The following GPRC5A variants were observed in gnomAD, a reference collection of about 807,000 sequenced individuals.
The protein encoded by GPRC5A is G protein-coupled receptor class C group 5 member A.
A neutral mutation model predicts 22.5 loss-of-function variants in GPRC5A; 19 were observed. That is an observed-to-expected ratio of 0.85 (90% CI 0.59 to 1.24). The LOEUF (loss-of-function observed/expected upper bound fraction) is 1.24. Ranked by LOEUF, GPRC5A falls within the 50% of genes most tolerant of loss-of-function variation. GPRC5A has a pLI of 0.00. For missense variants in GPRC5A, 471 were observed against 451.1 expected (o/e 1.04, Z -0.40); for synonymous variants, 192 against 184.5 (o/e 1.04, Z -0.33).
intron 1 of GPRC5A, among the ~76,000 whole-genome samples, chr12:12,903,534 G>C (rs939464596): frequency 1.3e-5 from 2 of 152,164 alleles, no homozygotes; most frequent in Admixed American, 6.5e-5. Context: ...CGATCAGCCC[G>C]CTTCGGCCTC....
chr12:12,892,696 G>A (rs1170257963), intron 1 of GPRC5A, among the ~76,000 whole-genome samples: 1 of 152,174 alleles, frequency 6.6e-6, no homozygotes, highest in Non-Finnish European at 1.5e-5. Context: ...CATGGGAAAG[G>A]CTAGCTAACA....
At chr12:12,905,809 C>CA (rs1349627739) in intron 1 of GPRC5A, among the ~76,000 whole-genome samples, 2 of 152,282 alleles carry the variant, frequency 1.3e-5, no homozygotes, top group Middle Eastern at 3.4e-3. Context: ...TTTCTCCTGA[C>CA]AAAGGACAGA....
chr12:12,895,029 C>T (rs2136454740), intron 1 of GPRC5A, among the ~76,000 whole-genome samples: 1 of 151,954 alleles, frequency 6.6e-6, no homozygotes, highest in African/African-American at 2.4e-5. Context: ...CTGCCCGCCT[C>T]AGCCTCCCAA....
chr12:12,906,926 G>A (rs902228734), intron 1 of GPRC5A, among the ~76,000 whole-genome samples: 6 of 152,022 alleles, frequency 3.9e-5, no homozygotes, highest in East Asian at 1.9e-4. Flanking sequence ...GCATGTTGGC[G>A]CGTGCCTGTA....
intron 1 of GPRC5A, among the ~76,000 whole-genome samples, chr12:12,906,304 T>C (rs1292916905): frequency 6.6e-6 from 1 of 152,218 alleles, no homozygotes; most frequent in Non-Finnish European, 1.5e-5. Flanking sequence ...GCGGGGTGAC[T>C]CAACACCTAT....
chr12:12,909,964 A>T (rs539379392), intron 2 of GPRC5A: 1 of 148,506 alleles, frequency 6.7e-6, no homozygotes. Context: ...AAAAAAAAAG[A>T]ATCAAGTGAT....
Position 12,912,964 on chromosome 12 carries a change from GGCGT to G in GPRC5A, c.*427_*430del, listed in dbSNP as rs2136463707. 6.1e-6 allele frequency: 1 copy of G among 163,234 alleles called. No homozygotes were observed. The highest frequency in any genetic ancestry group is 1.8e-4 in the East Asian group (1 of 5,556). 10.1% of individuals were successfully genotyped at this position (163,234 alleles called of 1,614,324 possible). On this transcript the variant is annotated 3_prime_UTR_variant, in exon 4 of 4. Transcript: ENST00000014914. ...CATCTCCCAAAGTGCTGGGATGACA[GGCGT>G]GAGCCACAGCTCCCAGCCTAGGCCC...
chr12:12,911,187 A>G (rs1372012643), intron 2 of GPRC5A, among the ~76,000 whole-genome samples: 1 of 152,012 alleles, frequency 6.6e-6, no homozygotes, highest in African/African-American at 2.4e-5. Flanking sequence ...TCTTAAATAA[A>G]GGCGTTTAAG....
In GPRC5A at chr12:12,912,378, C is replaced by G; in HGVS notation, c.982-69C>G. On this transcript the variant is annotated intron_variant, in intron 3 of 3. Coordinates refer to ENST00000014914, the MANE Select transcript of GPRC5A (RefSeq NM_003979.4). Reference sequence around the variant, plus strand: ...AAAGGGAAGGAAATGAGACTTCTGCCCAGACTGGAGACCTGTTGAAATGGC... The same window carrying G: ...AAAGGGAAGGAAATGAGACTTCTGCGCAGACTGGAGACCTGTTGAAATGGC... 3.8e-6 allele frequency: 4 copies of G among 1,056,926 alleles called. No individual in the cohort carries two copies. The Admixed American group carries it at 6.8e-5, about 18-fold the overall frequency. 65.5% of individuals were successfully genotyped at this position (1,056,926 alleles called of 1,614,324 possible). A position where few individuals can be genotyped will look rare whatever the true frequency, so the allele number is the denominator to read the frequency against.
At chr12:12,908,205 C>T (rs774813493) in intron 1 of GPRC5A, 38 bp from the exon 2 acceptor site, 4 of 1,321,390 alleles carry the variant, frequency 3.0e-6, no homozygotes, top group Admixed American at 2.2e-5. Flanking sequence ...TTAGGAGATT[C>T]AATACCTTCT....
rs536169587 is a variant in GPRC5A at position 12,915,122 on chromosome 12, G to A, written c.*2583G>A. On this transcript the variant is annotated 3_prime_UTR_variant, in exon 4 of 4. Coordinates refer to ENST00000014914, the MANE Select transcript of GPRC5A (RefSeq NM_003979.4). ...TGCAGCCTCAACTTTCTGTGCTCGA[G>A]TGATTCTCCTGCCTCAGTCTCCTGA... 8.7e-5 allele frequency: 13 copies of A among 149,218 alleles called. No individual in the cohort carries two copies. Among genetic ancestry groups the A allele is most frequent in the African/African-American group, 3.2e-4 (13 of 40,586 alleles). The allele number at this position is 149,218 out of a possible 1,614,324, so 9.2% of individuals were successfully genotyped here.
intron 1 of GPRC5A, among the ~76,000 whole-genome samples, chr12:12,901,808 C>A (rs541135250): frequency 1.3e-5 from 2 of 149,918 alleles, no homozygotes; most frequent in Non-Finnish European, 1.5e-5. Context: ...AGGACCTCTA[C>A]GTCAAGTGAA....
chr12:12,909,051 C>T lies in GPRC5A; in HGVS notation c.802C>T (p.Leu268Phe). ...LAYVSPEFWL[L>F]TKQRNPMDYP... ...TTATGTTAGTCCCGAGTTTTGGCTG[C>T]TCACAAAGCAACGAAACCCCATGGA... Residue 268 changes from leucine to phenylalanine, a missense_variant, in exon 2 of 4, where the codon CTC becomes TTC. Leu to Phe is a conservative substitution (Grantham distance 22). Transcript: ENST00000014914. 1 of 1,611,354 alleles carries T rather than the reference C, an allele frequency of 6.2e-7. No individual in the cohort carries two copies. The highest frequency in any genetic ancestry group is 8.5e-7 in the Non-Finnish European group (1 of 1,179,966).
intron 1 of GPRC5A, among the ~76,000 whole-genome samples, chr12:12,905,264 T>G (rs1398717109): frequency 1.3e-5 from 2 of 152,166 alleles, no homozygotes; most frequent in African/African-American, 4.8e-5. Flanking sequence ...TTTTCCTGCT[T>G]CCCAACCCGA....
rs774148956 is a variant in GPRC5A at position 12,897,764 on chromosome 12, A to T, written c.-8+6100A>T. On this transcript the variant is annotated intron_variant, in intron 1 of 3. Coordinates refer to ENST00000014914, the MANE Select transcript of GPRC5A (RefSeq NM_003979.4). ...GCTGGGACTACAGGCGTGAGCCACCATGCCTGGTTCATTTTTGTATTTGTA... is the reference window on the plus strand; with the variant it reads ...GCTGGGACTACAGGCGTGAGCCACCTTGCCTGGTTCATTTTTGTATTTGTA... Among the ~76,000 whole-genome samples the T allele has an allele frequency of 1.9e-3, 291 of 151,926 alleles. 2 individuals are homozygous for T. Among genetic ancestry groups the T allele is most frequent in the Non-Finnish European group, 2.7e-3 (184 of 67,952 alleles).
intron 1 of GPRC5A, among the ~76,000 whole-genome samples, chr12:12,906,956 C>T (rs1863947681): frequency 6.6e-6 from 1 of 151,960 alleles, no homozygotes; most frequent in African/African-American, 2.4e-5. Flanking sequence ...ACTCAGGAGG[C>T]TGAGGCAGAA....
chr12:12,904,140 C>T (rs766412284), intron 1 of GPRC5A, among the ~76,000 whole-genome samples: 90 of 152,022 alleles, frequency 5.9e-4, no homozygotes, highest in Non-Finnish European at 1.1e-3. Flanking sequence ...GAGTTCCTTC[C>T]GCTCGCCGCC....
intron 1 of GPRC5A, among the ~76,000 whole-genome samples, chr12:12,898,724 C>A (rs1004691311): frequency 6.6e-6 from 1 of 152,182 alleles, no homozygotes; most frequent in African/African-American, 2.4e-5. Flanking sequence ...GACAGTGGTG[C>A]CACTCAGTTG....
chr12:12,898,901 A>T (rs375597066), intron 1 of GPRC5A, among the ~76,000 whole-genome samples: 1 of 152,242 alleles, frequency 6.6e-6, no homozygotes, highest in East Asian at 1.9e-4. Context: ...TTAAAACCCC[A>T]CTAGGTAGAA....
Sources: gnomAD v4.1 joint callset for allele counts (sites outside exome capture counted in the v4.1 genomes callset) on GRCh38, gnomAD v4.1.1 for gene constraint, MANE v1.5 for transcripts, NCBI Gene and HGNC (gene_info 2026-07-23, HGNC 2026-07-21) for gene names.